The following SACS variants were observed in gnomAD, a reference collection of about 807,000 sequenced individuals.
SACS encodes sacsin.
Under a neutral mutation model 348.0 loss-of-function variants are expected in SACS, and 197 were observed. That is an observed-to-expected ratio of 0.57 (90% confidence interval 0.50 to 0.64). SACS has a LOEUF of 0.64. Among genes scored for constraint, SACS ranks in the 30% least tolerant of loss-of-function variants. The pLI, the probability that SACS is intolerant of heterozygous loss-of-function variation, is 0.00. For synonymous variants in SACS, 1,985 were observed against 1,910.6 expected (o/e 1.04, Z -1.02); for missense variants, 4,999 against 5,360.8 (o/e 0.93, Z 2.11).
intron 2 of SACS, among the ~76,000 whole-genome samples, chr13:23,400,030 C>G (rs1872892905): frequency 6.6e-6 from 1 of 152,194 alleles, no homozygotes; most frequent in Non-Finnish European, 1.5e-5. Flanking sequence ...GAAAACCTGT[C>G]TTTGACTGCC....
chr13:23,332,810 G>A lies in SACS; in HGVS notation c.11066C>T (p.Pro3689Leu), dbSNP rs148925505. Residue 3689 changes from proline to leucine, a missense_variant, in exon 10 of 10, where the codon CCA (proline) becomes CTA (leucine). Physicochemically the swap from Pro to Leu is moderately conservative, Grantham distance 98 (BLOSUM62 -3). Coordinates refer to ENST00000382292, the MANE Select transcript of SACS (RefSeq NM_014363.6). ...LIKFNGAQVNPKFKQCDVLQL... is the reference protein window; with the variant it reads ...LIKFNGAQVNLKFKQCDVLQL... ...GAGTACATCACATTGCTTGAATTTT[G>A]GATTTACCTGTGCTCCATTGAACTT... is the stretch of plus-strand genomic sequence containing the variant. The A allele has an allele frequency of 1.1e-5, 18 of 1,613,734 alleles. No individual in the cohort carries two copies. Among genetic ancestry groups the A allele is most frequent in the Non-Finnish European group, 1.4e-5 (17 of 1,179,938 alleles).
intron 7 of SACS, 150 bp from the exon 8 acceptor site, chr13:23,356,157 AT>A: frequency 1.4e-6 from 1 of 696,786 alleles, no homozygotes; most frequent in Non-Finnish European, 2.4e-6. Context: ...CAGAAATGTA[AT>A]TCTCTGAACA....
In SACS at chr13:23,335,260, A is replaced by G; in HGVS notation, c.8616T>C (p.Pro2872=). 1 of 1,613,956 alleles carries G rather than the reference A, an allele frequency of 6.2e-7. No individual in the cohort carries two copies. Among genetic ancestry groups the G allele is most frequent in the Non-Finnish European group, 8.5e-7 (1 of 1,179,888 alleles). The change falls in exon 10 of 10, where the codon CCT becomes CCC. Residue 2872 remains proline (P), a synonymous_variant. Coordinates refer to ENST00000382292, the MANE Select transcript of SACS (RefSeq NM_014363.6). The surrounding 1 kb of genome is among the most constrained non-coding windows in gnomAD (Gnocchi z 4.7). The part of the protein sequence containing the change: ...KKPHRAFCFL[P]LSLETGLPFH... The stretch of plus-strand genomic sequence containing the variant: ...ATGGCAGCCCAGTCTCCAAAGAAAG[A>G]GGCAAAAAACAGAAGGCCCTATGGG...
intron 2 of SACS, among the ~76,000 whole-genome samples, chr13:23,383,647 A>G (rs1346897079): frequency 6.6e-6 from 1 of 152,044 alleles, no homozygotes; most frequent in African/African-American, 2.4e-5. Context: ...CACCCTTGAT[A>G]GCCCCATTCA....
chr13:23,365,280 AACCAAAAAATAT>A lies in SACS; in HGVS notation c.346-15_346-4del, dbSNP rs745366002. ...TCTTCTGCATTCTGAATTAATTCCT[AACCAAAAAATAT>A]ACCAAAAAATAGTAATTAATAACAC... On this transcript the variant is annotated splice_region_variant and splice_polypyrimidine_tract_variant and intron_variant, in intron 5 of 9. Transcript: ENST00000382292. 5 of 1,558,106 alleles carry A rather than the reference AACCAAAAAATAT, an allele frequency of 3.2e-6. No individual in the cohort carries two copies. Among genetic ancestry groups the A allele is most frequent in the South Asian group, 2.3e-5 (2 of 86,202 alleles).
At chr13:23,427,098 A>G (rs1391116715) in intron 1 of SACS, 1 of 152,138 alleles carries the variant, frequency 6.6e-6, no homozygotes, top group Non-Finnish European at 1.5e-5. Flanking sequence ...CCTCATCCCT[A>G]AACAGGGCCA....
chr13:23,406,827 T>G (rs1292492718), intron 2 of SACS, among the ~76,000 whole-genome samples: 3 of 152,216 alleles, frequency 2.0e-5, no homozygotes, highest in African/African-American at 7.2e-5. Context: ...AAAACAATCT[T>G]ACTTTGGTTA....
At chr13:23,409,200 G>A (rs1433445842) in intron 2 of SACS, among the ~76,000 whole-genome samples, 7 of 145,748 alleles carry the variant, frequency 4.8e-5, no homozygotes, top group South Asian at 2.3e-4. Context: ...GGGACTACAG[G>A]TGCCCACCAC....
In SACS at chr13:23,333,800, G is replaced by T. The variant is rs368089670; in HGVS notation, c.10076C>A (p.Thr3359Lys). 6.2e-7 allele frequency: 1 copy of T among 1,613,844 alleles called. No individual in the cohort carries two copies. The highest frequency in any genetic ancestry group is 8.5e-7 in the Non-Finnish European group (1 of 1,179,824). Residue 3359 changes from threonine to lysine, a missense_variant, in exon 10 of 10, where the codon ACA becomes AAA. Thr to Lys is a moderately conservative substitution (Grantham distance 78, BLOSUM62 -1). This residue lies in a region of SACS where 734 missense variants were observed against 694.0 expected (regional missense o/e 1.06). Coordinates refer to ENST00000382292, the MANE Select transcript of SACS (RefSeq NM_014363.6). ...SCHTANIESP[T>K]SILKALHYMV... ...ATAATGTAGAGCCTTCAAGATGCTT[G>T]TGGGGCTCTCTATATTTGCTGTGTG...
At chr13:23,383,832 C>T (rs1469474546) in intron 2 of SACS, among the ~76,000 whole-genome samples, 1 of 152,182 alleles carries the variant, frequency 6.6e-6, no homozygotes, top group African/African-American at 2.4e-5. Flanking sequence ...GCTAAGTCCC[C>T]CTCTGGAGAC....
intron 2 of SACS, among the ~76,000 whole-genome samples, chr13:23,384,385 C>A (rs1394024544): frequency 6.6e-6 from 1 of 152,196 alleles, no homozygotes; most frequent in Non-Finnish European, 1.5e-5. Flanking sequence ...GCCAAATAAG[C>A]GAATGTAGTG....
chr13:23,424,153 A>T (rs1228293823), intron 1 of SACS, among the ~76,000 whole-genome samples: 1 of 152,212 alleles, frequency 6.6e-6, no homozygotes, highest in African/African-American at 2.4e-5. Flanking sequence ...AAGCTTTCTG[A>T]TGTGCTTTAT....
intron 2 of SACS, among the ~76,000 whole-genome samples, chr13:23,375,756 G>A (rs1380226970): frequency 7.2e-6 from 1 of 138,190 alleles, no homozygotes; most frequent in Non-Finnish European, 1.5e-5. Context: ...CGCCCCACTC[G>A]CCCACCAGGC....
Position 23,340,300 on chromosome 13 carries a change from T to C in SACS, c.3576A>G (p.Ala1192=). The change falls in exon 10 of 10, where the codon GCA becomes GCG. Residue 1192 remains alanine, a synonymous_variant. Coordinates refer to ENST00000382292, the MANE Select transcript of SACS (RefSeq NM_014363.6). Reference sequence around the variant, plus strand: ...GAGGAAGTGAGGAGCCAATGAGAATTGCATGGCCTACATCACACATATCTG... The same window carrying C: ...GAGGAAGTGAGGAGCCAATGAGAATCGCATGGCCTACATCACACATATCTG... ...APPDMCDVGH[A]ILIGSSLPLV... 6.2e-7 allele frequency: 1 copy of C among 1,613,968 alleles called. No individual in the cohort carries two copies. The highest frequency in any genetic ancestry group is 8.5e-7 in the Non-Finnish European group (1 of 1,179,932).
Position 23,330,503 on chromosome 13 carries a change from A to C in SACS, c.13373T>G (p.Phe4458Cys). Residue 4458 changes from phenylalanine (F) to cysteine (C), a missense_variant, in exon 10 of 10, where the codon TTC (phenylalanine) becomes TGC (cysteine). Around this residue, in one of 6 missense-constraint regions of SACS, gnomAD observed 254 missense variants for 275.1 expected, o/e 0.92. Coordinates refer to ENST00000382292, the MANE Select transcript of SACS (RefSeq NM_014363.6). Reference sequence around the variant, plus strand: ...ATGAAGGTCATTCCTGGCAGCTGAGAAGTTTGCTCTGGCTTGTCTTAGCCA... The same window carrying C: ...ATGAAGGTCATTCCTGGCAGCTGAGCAGTTTGCTCTGGCTTGTCTTAGCCA... ...RRWLRQARAN[F>C]SAARNDLHKN... 1 of 1,614,180 alleles carries C rather than the reference A, an allele frequency of 6.2e-7. No individual in the cohort carries two copies. The highest frequency in any genetic ancestry group is 8.5e-7 in the Non-Finnish European group (1 of 1,180,020).
rs899159596 is a variant in SACS at position 23,368,568 on chromosome 13, A to C, written c.260-81T>G. 1.7e-5 allele frequency: 16 copies of C among 942,024 alleles called. No individual in the cohort carries two copies. In the African/African-American group the frequency reaches 2.4e-4, roughly 14 times the overall value. 58.4% of individuals were successfully genotyped at this position (942,024 alleles called of 1,614,324 possible). A position where few individuals can be genotyped will look rare whatever the true frequency, so the allele number is the denominator to read the frequency against. ...CCAATGTGTGACTTGAATCTGAGAC[A>C]TCATATAACTATACAAGTTATGGTT... On this transcript the variant is annotated intron_variant, in intron 4 of 9. Transcript: ENST00000382292.
At chr13:23,350,398 T>C (rs925905365) in intron 9 of SACS, among the ~76,000 whole-genome samples, 16 of 152,204 alleles carry the variant, frequency 1.1e-4, no homozygotes, top group Admixed American at 1.0e-3. Context: ...TGAAACATAT[T>C]TAACTGCTAA....
At chr13:23,417,411 T>C (rs1037477400) in intron 1 of SACS, among the ~76,000 whole-genome samples, 1 of 152,142 alleles carries the variant, frequency 6.6e-6, no homozygotes, top group Non-Finnish European at 1.5e-5. Flanking sequence ...GAAACCATAA[T>C]AATTATGTGG....
At chr13:23,367,489 T>C (rs941907872) in intron 5 of SACS, among the ~76,000 whole-genome samples, 1 of 152,242 alleles carries the variant, frequency 6.6e-6, no homozygotes, top group African/African-American at 2.4e-5. Context: ...CTGGTCTACT[T>C]TGACAATTAA....
Sources: allele counts gnomAD v4.1 joint callset (sites outside exome capture counted in the v4.1 genomes callset), GRCh38; gene constraint gnomAD v4.1.1; regional missense constraint gnomAD v4.1.1; non-coding constraint Gnocchi (gnomAD v3.1); transcripts MANE v1.5; gene names NCBI Gene and HGNC (gene_info 2026-07-23, HGNC 2026-07-21).